IPO11: variants seen among roughly 807,000 people sequenced by gnomAD.
IPO11 encodes the protein importin-11.
Under a neutral mutation model 143.2 loss-of-function variants are expected in IPO11, and 66 were observed. The ratio of observed to expected loss-of-function variants is 0.46; its 90% CI spans 0.38 to 0.57. IPO11 has a LOEUF of 0.57. Ranked by LOEUF, IPO11 falls within the 20% of genes least tolerant of loss-of-function variation. IPO11 has a pLI of 0.00. For synonymous variants in IPO11, 385 were observed against 377.8 expected (o/e 1.02, Z -0.22); for missense variants, 1,026 against 1,141.0 (o/e 0.90, Z 1.45).
chr5:62,619,024 A>G (rs1746247484), intron 29 of IPO11, among the ~76,000 whole-genome samples: 1 of 152,106 alleles, frequency 6.6e-6, no homozygotes, highest in African/African-American at 2.4e-5. Context: ...TGAGGTCAGG[A>G]GTTCAAGACC....
chr5:62,449,484 A>G (rs1744833283), intron 3 of IPO11, among the ~76,000 whole-genome samples: 1 of 152,018 alleles, frequency 6.6e-6, no homozygotes, highest in Admixed American at 6.6e-5. Flanking sequence ...TGGAGTGGCA[A>G]TATTTACTTG....
chr5:62,567,645 C>G (rs1314432515), intron 27 of IPO11, among the ~76,000 whole-genome samples: 1 of 149,264 alleles, frequency 6.7e-6, no homozygotes, highest in Non-Finnish European at 1.5e-5. Flanking sequence ...CCACTGCAAC[C>G]TCCGCCGCCT....
At chr5:62,599,555 GA>G (rs1745420836) in intron 28 of IPO11, among the ~76,000 whole-genome samples, 1 of 152,194 alleles carries the variant, frequency 6.6e-6, no homozygotes, top group Admixed American at 6.5e-5. Context: ...TTTAAACCCA[GA>G]AATGACTTAA....
rs370723500 is a variant in IPO11 at position 62,434,897 on chromosome 5, C to T, written c.-6-2377C>T. On this transcript the variant is annotated intron_variant, in intron 1 of 29. Transcript: ENST00000325324. ...AAAATTAGCTGGGCGTGGTGGCTCG[C>T]GCCTGTAGTCGCAGCTACTTGGGAG... Among the ~76,000 whole-genome samples the T allele has an allele frequency of 2.6e-4, 39 of 151,054 alleles. No homozygotes were observed. In the East Asian group the frequency reaches 3.3e-3, roughly 13 times the overall value.
chr5:62,513,963 G>A (rs1242411419), intron 19 of IPO11, among the ~76,000 whole-genome samples: 1 of 150,824 alleles, frequency 6.6e-6, no homozygotes, highest in Non-Finnish European at 1.5e-5. Flanking sequence ...GGGGCGGCGG[G>A]GCAGAGGCGC....
rs555833616 is a variant in IPO11, at chr5:62,627,938, A to ATT, written c.*626_*627dup. 6.6e-6 allele frequency: 1 copy of ATT among 152,012 alleles called. No homozygotes were observed. The highest frequency in any genetic ancestry group is 1.5e-5 in the Non-Finnish European group (1 of 67,962). 9.4% of individuals were successfully genotyped at this position (152,012 alleles called of 1,614,324 possible). A position where few individuals can be genotyped will look rare whatever the true frequency, so the allele number is the denominator to read the frequency against. On this transcript the variant is annotated 3_prime_UTR_variant, in exon 30 of 30. Coordinates refer to ENST00000325324, the MANE Select transcript of IPO11 (RefSeq NM_016338.5). Reference sequence around the variant, plus strand: ...ATTTGATACAGAAATTAGTAAAGGCATTTTTTTCTTTTTTTTTCCAGTAAA... The same window carrying ATT: ...ATTTGATACAGAAATTAGTAAAGGCATTTTTTTTTCTTTTTTTTTCCAGTAAA...
intron 1 of IPO11, among the ~76,000 whole-genome samples, chr5:62,429,622 GTGTGTA>G (rs1450994900): frequency 7.6e-5 from 11 of 145,636 alleles, no homozygotes; most frequent in South Asian, 4.3e-4. Context: ...GTGTGTGTGT[GTGTGTA>G]TGTGTTTATT....
intron 3 of IPO11, among the ~76,000 whole-genome samples, chr5:62,449,527 T>C (rs1486527620): frequency 1.3e-4 from 19 of 151,344 alleles, no homozygotes; most frequent in Admixed American, 7.9e-4. Flanking sequence ...TTTTTTTTTT[T>C]CGTAGGCAAC....
intron 23 of IPO11, 151 bp downstream of exon 23, chr5:62,536,932 C>A: frequency 2.0e-6 from 2 of 981,008 alleles, no homozygotes; most frequent in Non-Finnish European, 2.8e-6. Context: ...CATTGCAGGG[C>A]AGATGTGCTG....
rs769814895 is a variant in IPO11 at position 62,451,961 on chromosome 5, A to T, written c.516+28A>T. The T allele has an allele frequency of 6.3e-6, 10 of 1,580,928 alleles. No individual in the cohort carries two copies. The African/African-American group carries it at 1.3e-4, about 21-fold the overall frequency. On this transcript the variant is annotated intron_variant, in intron 5 of 29. Coordinates refer to ENST00000325324, the MANE Select transcript of IPO11 (RefSeq NM_016338.5). ...AAGTGATTTCACATAGTTAAATTTG[A>T]TTATGAAAATTGTGCGGCCGGGCGT...
At chr5:62,493,633 C>G (rs1180064342) in intron 15 of IPO11, among the ~76,000 whole-genome samples, 16 of 150,506 alleles carry the variant, frequency 1.1e-4, no homozygotes, top group Non-Finnish European at 1.5e-5. Context: ...GTGGCACAAT[C>G]TTGGCTTATT....
intron 24 of IPO11, among the ~76,000 whole-genome samples, chr5:62,542,004 G>A (rs1322787911): frequency 1.3e-5 from 2 of 151,992 alleles, no homozygotes; most frequent in Non-Finnish European, 2.9e-5. Context: ...CTTAAGCTGA[G>A]GAGTTTGATT....
At chr5:62,589,541 A>G (rs561224955) in intron 27 of IPO11, among the ~76,000 whole-genome samples, 1 of 152,246 alleles carries the variant, frequency 6.6e-6, no homozygotes, top group African/African-American at 2.4e-5. Context: ...TTACCCATTA[A>G]ACATCTGTCA....
chr5:62,515,412 G>A lies in IPO11; in HGVS notation c.1807G>A (p.Val603Ile), dbSNP rs1741980263. 6.2e-7 allele frequency: 1 copy of A among 1,608,678 alleles called. No individual in the cohort carries two copies. The highest frequency in any genetic ancestry group is 8.5e-7 in the Non-Finnish European group (1 of 1,178,292). ...GATACGACCATATGTGGGATGTTTG[G>A]TACAATATTTGCCCCTCCTTTGGAA... The part of the protein sequence containing the change: ...MQIRPYVGCL[V>I]QYLPLLWKQS... The change falls in exon 20 of 30, where the codon GTA becomes ATA. Residue 603 changes from valine (V) to isoleucine (I), a missense_variant. Transcript: ENST00000325324.
At chr5:62,454,991 C>G (rs927545762) in intron 5 of IPO11, among the ~76,000 whole-genome samples, 4 of 152,156 alleles carry the variant, frequency 2.6e-5, no homozygotes, top group Non-Finnish European at 5.9e-5. Context: ...AATGGAGCAG[C>G]TGAACCTGGA....
At chr5:62,422,018 A>G (rs776685298) in intron 1 of IPO11, among the ~76,000 whole-genome samples, 3 of 152,104 alleles carry the variant, frequency 2.0e-5, no homozygotes, top group Non-Finnish European at 4.4e-5. Context: ...GTTATAAATT[A>G]TAGTCTGTTA....
chr5:62,423,986 C>T (rs755264673), intron 1 of IPO11, among the ~76,000 whole-genome samples: 19 of 152,102 alleles, frequency 1.2e-4, no homozygotes, highest in Middle Eastern at 3.4e-3. Flanking sequence ...TATTTTCTGC[C>T]TCTTGTTCTT....
At position 62,559,212 on chromosome 5, in the gene IPO11, C is replaced by CT. The variant is rs559396755; in HGVS notation, c.2461-1923dup. Among the ~76,000 whole-genome samples, 157 of 152,174 alleles carry CT rather than the reference C, an allele frequency of 1.0e-3. 1 individual carries two copies. Among genetic ancestry groups the CT allele is most frequent in the African/African-American group, 3.8e-3 (157 of 41,536 alleles). On this transcript the variant is annotated intron_variant, in intron 26 of 29. Coordinates refer to ENST00000325324, the MANE Select transcript of IPO11 (RefSeq NM_016338.5). ...AAATGAAGTTTGCTGCATCAATTGA[C>CT]TCTTCCCTTCACGAATGAGAGGATT...
intron 24 of IPO11, among the ~76,000 whole-genome samples, chr5:62,547,857 A>G (rs754910471): frequency 2.3e-4 from 35 of 152,066 alleles, no homozygotes; most frequent in Admixed American, 5.3e-4. Context: ...TTTAACCAGA[A>G]TTTTATATGA....
Sources: allele counts gnomAD v4.1 joint callset (sites outside exome capture counted in the v4.1 genomes callset), GRCh38; gene constraint gnomAD v4.1.1; transcripts MANE v1.5; gene names NCBI Gene and HGNC (gene_info 2026-07-23, HGNC 2026-07-21).